The following DMBX1 variants were observed in gnomAD, a reference collection of about 807,000 sequenced individuals.
DMBX1 encodes diencephalon/mesencephalon homeobox protein 1.
Under a neutral mutation model 30.4 loss-of-function variants are expected in DMBX1, and 7 were observed. That is an observed-to-expected ratio of 0.23 (90% CI 0.13 to 0.43). DMBX1 has a LOEUF of 0.43. Ranked by LOEUF, DMBX1 falls within the 20% of genes least tolerant of loss-of-function variation. DMBX1 has a pLI of 1.00. For missense variants in DMBX1, 460 were observed against 508.5 expected (o/e 0.90, Z 0.92); for synonymous variants, 222 against 214.2 (o/e 1.04, Z -0.32).
In DMBX1 at chr1:46,490,737, G is replaced by C. The variant is rs1448560771; in HGVS notation, c.-59G>C. On this transcript the variant is annotated 5_prime_UTR_variant, in exon 2 of 6. Transcript: ENST00000360032. ...CCAGTTGAGGGTGGTTCGGCGCTCA[G>C]CCAGCCTCTGCCCTCGAAGACGCGG... is the stretch of plus-strand genomic sequence containing the variant. Among the ~76,000 whole-genome samples, 2 of 152,270 alleles carry C rather than the reference G, an allele frequency of 1.3e-5. No individual in the cohort carries two copies. Among genetic ancestry groups the C allele is most frequent in the East Asian group, 1.9e-4 (1 of 5,204 alleles).
chr1:46,505,268 A>G (rs1306903034), intron 2 of DMBX1, among the ~76,000 whole-genome samples: 1 of 147,264 alleles, frequency 6.8e-6, no homozygotes. Context: ...CCAAAGGACT[A>G]TAAATCATGC....
At chr1:46,503,152 C>T (rs950800918) in intron 2 of DMBX1, among the ~76,000 whole-genome samples, 3 of 152,238 alleles carry the variant, frequency 2.0e-5, no homozygotes, top group African/African-American at 7.2e-5. Flanking sequence ...GTCTATGCCT[C>T]AGGGCCTTTG....
chr1:46,506,098 C>T (rs922836397), intron 2 of DMBX1, among the ~76,000 whole-genome samples: 1 of 152,142 alleles, frequency 6.6e-6, no homozygotes, highest in Non-Finnish European at 1.5e-5. Flanking sequence ...CGCTCTGTCG[C>T]CCAGGCTGGA....
At chr1:46,505,062 AC>A (rs1666205504) in intron 2 of DMBX1, among the ~76,000 whole-genome samples, 1 of 150,682 alleles carries the variant, frequency 6.6e-6, no homozygotes. Flanking sequence ...ACCATCTCAC[AC>A]CAGTTAGAAT....
chr1:46,498,473 T>C (rs767367415), intron 2 of DMBX1, among the ~76,000 whole-genome samples: 30 of 152,238 alleles, frequency 2.0e-4, no homozygotes, highest in Non-Finnish European at 2.8e-4. Context: ...GCTTTTTTTT[T>C]CTTTCTCTGT....
chr1:46,512,315 C>G lies in DMBX1; in HGVS notation c.955C>G (p.Leu319Val). 4 of 1,613,714 alleles carry G rather than the reference C, an allele frequency of 2.5e-6. No homozygotes were observed. The highest frequency in any genetic ancestry group is 1.7e-4 in the Middle Eastern group (1 of 6,058). The change falls in exon 6 of 6, where the codon CTG (leucine) becomes GTG (valine). Residue 319 changes from leucine to valine, a missense_variant. This residue lies in a region of DMBX1 where 334 missense variants were observed against 345.1 expected (regional missense o/e 0.97). Transcript: ENST00000360032. The surrounding 1 kb of genome is among the most constrained non-coding windows in gnomAD (Gnocchi z 4.8). ...SLHCQSYYQS[L>V]SAAAAAHQGV... ...GCACTGCCAGTCCTACTACCAGTCC[C>G]TGTCAGCAGCCGCTGCTGCCCACCA...
chr1:46,511,429 C>G (rs901816242), intron 5 of DMBX1, 146 bp downstream of exon 5: 1 of 977,982 alleles, frequency 1.0e-6, no homozygotes, highest in African/African-American at 1.6e-5. Flanking sequence ...AGGTTTTCAC[C>G]CTTTAGTTGC....
At chr1:46,498,430 A>C (rs1167913872) in intron 2 of DMBX1, among the ~76,000 whole-genome samples, 2 of 152,192 alleles carry the variant, frequency 1.3e-5, no homozygotes, top group East Asian at 3.9e-4. Context: ...GGCTAAGACA[A>C]ATTATTTATT....
In DMBX1 at chr1:46,512,239, G is replaced by A. The variant is rs777870582; in HGVS notation, c.879G>A (p.Ala293=). The change falls in exon 6 of 6, where the codon GCG becomes GCA. Residue 293 remains alanine, a synonymous_variant. Coordinates refer to ENST00000360032, the MANE Select transcript of DMBX1 (RefSeq NM_172225.2). The surrounding 1 kb of genome is among the most constrained non-coding windows in gnomAD (Gnocchi z 4.8). ...VGGPAPAAAA[A]AAAVPYLGVN... is the part of the protein sequence containing the mutation. ...GTCCGGCCCCTGCTGCTGCAGCGGC[G>A]GCTGCTGCTGTGCCCTACCTGGGCG... is the stretch of plus-strand genomic sequence containing the variant. The A allele has an allele frequency of 1.4e-5, 22 of 1,613,568 alleles. No individual in the cohort carries two copies. The highest frequency in any genetic ancestry group is 2.2e-5 in the South Asian group (2 of 91,078).
In DMBX1 at chr1:46,508,065, G is replaced by A. The variant is rs559294584; in HGVS notation, c.154+901G>A. ...TCTCGGTGGGTGAGAAAAGGATTCA[G>A]TGGCATGGATGGGGAGTTTGATGTC... On this transcript the variant is annotated intron_variant, in intron 3 of 5. Transcript: ENST00000360032. Among the ~76,000 whole-genome samples, 45 of 151,208 alleles carry A rather than the reference G, an allele frequency of 3.0e-4. No individual in the cohort carries two copies. The Middle Eastern group carries it at 0.031, about 103-fold the overall frequency.
rs948938896 is a variant in DMBX1 at position 46,515,690 on chromosome 1, G to A, written c.*3196G>A. On this transcript the variant is annotated 3_prime_UTR_variant, in exon 6 of 6. Coordinates refer to ENST00000360032, the MANE Select transcript of DMBX1 (RefSeq NM_172225.2). ...GGCACCGTGCATCTCCTCTGAGCAC[G>A]CTTGTAAGCAGCACCGCGCTTCCCT... Among the ~76,000 whole-genome samples, 5 of 152,228 alleles carry A rather than the reference G, an allele frequency of 3.3e-5. No homozygotes were observed. The highest frequency in any genetic ancestry group is 2.0e-4 in the Admixed American group (3 of 15,278).
Position 46,512,075 on chromosome 1 carries a change from GC to G in DMBX1, c.719del (p.Pro240GlnfsTer17). On this transcript the variant is annotated frameshift_variant, in exon 6 of 6. Transcript: ENST00000360032. LOFTEE classifies it high-confidence loss of function. The surrounding 1 kb of genome is among the most constrained non-coding windows in gnomAD (Gnocchi z 4.8). ...AGGCAGCCTGACCATCACTCCTGTG[GC>G]CCCAGGGGGTGGCCTCCTGGGCCCC... ...SPGSLTITPV[A>X]PGGGLLGPSH... is the part of the protein sequence containing the mutation. 3.1e-6 allele frequency: 5 copies of G among 1,612,964 alleles called. No homozygotes were observed. Among genetic ancestry groups the G allele is most frequent in the Non-Finnish European group, 2.5e-6 (3 of 1,179,846 alleles).
chr1:46,510,514 AAAC>A lies in DMBX1; in HGVS notation c.197_199del (p.Gln66del). 2.5e-6 allele frequency: 4 copies of A among 1,614,150 alleles called. No homozygotes were observed. The highest frequency in any genetic ancestry group is 3.4e-6 in the Non-Finnish European group (4 of 1,180,030). On this transcript the variant is annotated inframe_deletion, in exon 4 of 6. Transcript: ENST00000360032. The surrounding 1 kb of genome is among the most constrained non-coding windows in gnomAD (Gnocchi z 4.1). The stretch of plus-strand genomic sequence containing the variant: ...GGCCCGTTATGGTTCCCAGCACCGC[AAAC>A]AACGTCGCAGCCGCACAGCGTTCAC...
chr1:46,496,491 C>T (rs1666027025), intron 2 of DMBX1, among the ~76,000 whole-genome samples: 1 of 152,222 alleles, frequency 6.6e-6, no homozygotes, highest in Non-Finnish European at 1.5e-5. Context: ...GAGCGCCTCC[C>T]TCATAGACTT....
chr1:46,510,147 A>G lies in DMBX1; in HGVS notation c.155-329A>G, dbSNP rs1371444278. Among the ~76,000 whole-genome samples the G allele has an allele frequency of 6.6e-6, 1 of 152,214 alleles. No homozygotes were observed. The highest frequency in any genetic ancestry group is 1.9e-4 in the East Asian group (1 of 5,202). ...TATTAGCATCATGGAGTCTCAAAGT[A>G]TACTCATAGTATCCATCTTAGGGTA... On this transcript the variant is annotated intron_variant, in intron 3 of 5. Coordinates refer to ENST00000360032, the MANE Select transcript of DMBX1 (RefSeq NM_172225.2). This position sits in a 1 kb window ranked among gnomAD's most constrained non-coding sequence, Gnocchi z 4.1.
intron 2 of DMBX1, among the ~76,000 whole-genome samples, chr1:46,498,443 CT>C (rs1666064769): frequency 6.6e-6 from 1 of 152,182 alleles, no homozygotes; most frequent in African/African-American, 2.4e-5. Context: ...TATTTATTTT[CT>C]GTGTTGATCT....
At chr1:46,511,892 G>C (rs570804299) in intron 5 of DMBX1, 151 bp from the exon 6 acceptor site, 2 of 822,334 alleles carry the variant, frequency 2.4e-6, no homozygotes, top group East Asian at 2.5e-5. Flanking sequence ...CCTTGCTTCA[G>C]GGGATGCTCT....
Position 46,510,392 on chromosome 1 carries a change from G to C in DMBX1, c.155-84G>C. On this transcript the variant is annotated intron_variant, in intron 3 of 5. Transcript: ENST00000360032. This position sits in a 1 kb window ranked among gnomAD's most constrained non-coding sequence, Gnocchi z 4.1. ...GCAGCAGCCTGGGTGTCCACAGTGG[G>C]TCAGAGCAGGATAAGATTCAAAGCT... 1 of 1,499,636 alleles carries C rather than the reference G, an allele frequency of 6.7e-7. No individual in the cohort carries two copies. The highest frequency in any genetic ancestry group is 1.3e-5 in the South Asian group (1 of 76,940). The allele number at this position is 1,499,636 out of a possible 1,614,324, so 92.9% of individuals were successfully genotyped here. A position where few individuals can be genotyped will look rare whatever the true frequency, so the allele number is the denominator to read the frequency against.
In DMBX1 at chr1:46,493,533, A is replaced by G. The variant is rs746635556; in HGVS notation, c.-13+2750A>G. Among the ~76,000 whole-genome samples, 3 of 152,224 alleles carry G rather than the reference A, an allele frequency of 2.0e-5. No individual in the cohort carries two copies. Among genetic ancestry groups the G allele is most frequent in the Non-Finnish European group, 4.4e-5 (3 of 68,036 alleles). ...CCCAGCTCTGGTGGCTCTGGCCCCA[A>G]CTGTTCTTCGGACTTTAGCCAGGTT... On this transcript the variant is annotated intron_variant, in intron 2 of 5. Transcript: ENST00000360032. This position sits in a 1 kb window ranked among gnomAD's most constrained non-coding sequence, Gnocchi z 4.1.
Sources: allele counts gnomAD v4.1 joint callset (sites outside exome capture counted in the v4.1 genomes callset), GRCh38; gene constraint gnomAD v4.1.1; regional missense constraint gnomAD v4.1.1; non-coding constraint Gnocchi (gnomAD v3.1); transcripts MANE v1.5; gene names NCBI Gene and HGNC (gene_info 2026-07-23, HGNC 2026-07-21).